The following ATG14 variants were observed in gnomAD, a reference collection of about 807,000 sequenced individuals.
ATG14 encodes autophagy related 14.
ATG14 carries 35 observed loss-of-function variants against 60.4 expected under a neutral mutation model. That is an observed-to-expected ratio of 0.58 (90% CI 0.44 to 0.77). ATG14 has a LOEUF of 0.77. ATG14 is among the 30% of genes least tolerant of loss of function. The pLI is 0.00. For synonymous variants in ATG14, 234 were observed against 228.8 expected (o/e 1.02, Z -0.21); for missense variants, 647 against 626.3 (o/e 1.03, Z -0.35).
At chr14:55,392,772 T>G (rs1885241312) in intron 3 of ATG14, among the ~76,000 whole-genome samples, 1 of 152,188 alleles carries the variant, frequency 6.6e-6, no homozygotes, top group Non-Finnish European at 1.5e-5. Context: ...GGTGTTACAC[T>G]TATCTAAGTA....
At chr14:55,378,256 A>G (rs551910344) in intron 7 of ATG14, among the ~76,000 whole-genome samples, 182 bp from the exon 8 acceptor site, 1 of 152,376 alleles carries the variant, frequency 6.6e-6, no homozygotes, top group Admixed American at 6.5e-5. Context: ...TACTGCATCT[A>G]TACAAATTAC....
intron 1 of ATG14, among the ~76,000 whole-genome samples, chr14:55,409,876 G>A (rs1209390545): frequency 6.6e-6 from 1 of 152,232 alleles, no homozygotes; most frequent in East Asian, 1.9e-4. Flanking sequence ...TACAAAAGGG[G>A]AGCAAGGACG....
chr14:55,408,735 C>T (rs1409084292), intron 1 of ATG14, among the ~76,000 whole-genome samples: 2 of 152,120 alleles, frequency 1.3e-5, no homozygotes, highest in Non-Finnish European at 2.9e-5. Flanking sequence ...TGTGCCAGTG[C>T]ACTCCAGCCT....
At position 55,385,573 on chromosome 14, in the gene ATG14, G is replaced by T. The variant is rs571689039; in HGVS notation, c.647+286C>A. Among the ~76,000 whole-genome samples, 4 of 152,324 alleles carry T rather than the reference G, an allele frequency of 2.6e-5. No homozygotes were observed. The South Asian group carries it at 8.3e-4, about 32-fold the overall frequency. ...CTCCCAAAGTGCTGGGATTATAGGCGTGAGCCACCACTCCCAGCCATCAGA... is the reference window on the plus strand; with the variant it reads ...CTCCCAAAGTGCTGGGATTATAGGCTTGAGCCACCACTCCCAGCCATCAGA... On this transcript the variant is annotated intron_variant, in intron 5 of 9. Transcript: ENST00000247178.
chr14:55,389,605 T>TA lies in ATG14; in HGVS notation c.409+1305dup, dbSNP rs1409897556. Among the ~76,000 whole-genome samples the TA allele has an allele frequency of 2.0e-5, 3 of 152,354 alleles. No homozygotes were observed. The East Asian group carries it at 5.8e-4, about 29-fold the overall frequency. On this transcript the variant is annotated intron_variant, in intron 4 of 9. Transcript: ENST00000247178. ...TCTGATGGTGACTCATTCTAAACTT[T>TA]AAACAGTGATCTTCAGAAATTCATG...
intron 1 of ATG14, among the ~76,000 whole-genome samples, chr14:55,408,459 C>A (rs966057101): frequency 1.3e-5 from 2 of 151,754 alleles, no homozygotes; most frequent in East Asian, 2.0e-4. Context: ...TCCCCTCCCC[C>A]CTCAAACAAA....
chr14:55,393,728 G>A (rs1885263611), intron 3 of ATG14, among the ~76,000 whole-genome samples: 1 of 151,684 alleles, frequency 6.6e-6, no homozygotes, highest in African/African-American at 2.4e-5. Flanking sequence ...GTTTTTGTTC[G>A]TTTTTGTAGA....
At chr14:55,375,994 T>C (rs1884912464) in intron 9 of ATG14, among the ~76,000 whole-genome samples, 4 of 152,374 alleles carry the variant, frequency 2.6e-5, no homozygotes, top group Admixed American at 2.0e-4. Context: ...GAACTGCATT[T>C]TATTTAATTC....
intron 1 of ATG14, among the ~76,000 whole-genome samples, chr14:55,402,970 A>T (rs56001643): frequency 0.023 from 1,582 of 69,050 alleles, 33 homozygotes; most frequent in Non-Finnish European, 0.037. Flanking sequence ...TATATATATA[A>T]ATAGCTGGGC....
In ATG14 at chr14:55,405,083, C is replaced by G. The variant is rs115745438; in HGVS notation, c.221+6519G>C. On this transcript the variant is annotated intron_variant, in intron 1 of 9. Transcript: ENST00000247178. ...AATACCATAAACAAACTCCATGGGA[C>G]AGGAATTGAGACCCTCTGAAGGACA... Among the ~76,000 whole-genome samples the G allele has an allele frequency of 3.0e-3, 458 of 152,306 alleles. 6 individuals carry two copies. Among genetic ancestry groups the G allele is most frequent in the African/African-American group, 0.011 (447 of 41,566 alleles).
rs746636983 is a variant in ATG14 at position 55,367,362 on chromosome 14, C to G, written c.*2257G>C. On this transcript the variant is annotated 3_prime_UTR_variant, in exon 10 of 10. Transcript: ENST00000247178. ...TCAAGTCTACCATCTTCACTCTCTACGAACTCCAGAACTGGATGGGAAAAT... is the reference window on the plus strand; with the variant it reads ...TCAAGTCTACCATCTTCACTCTCTAGGAACTCCAGAACTGGATGGGAAAAT... 6.6e-6 allele frequency: 1 copy of G among 152,228 alleles called. No individual in the cohort carries two copies. The highest frequency in any genetic ancestry group is 2.1e-4 in the South Asian group (1 of 4,828). 9.4% of individuals were successfully genotyped at this position (152,228 alleles called of 1,614,324 possible).
intron 4 of ATG14, among the ~76,000 whole-genome samples, chr14:55,389,453 C>T (rs1363113037): frequency 2.0e-5 from 3 of 152,154 alleles, no homozygotes; most frequent in South Asian, 2.1e-4. Flanking sequence ...TTAGTAATCC[C>T]GTGAAACTCC....
chr14:55,387,733 A>G (rs1885148627), intron 4 of ATG14, among the ~76,000 whole-genome samples: 1 of 152,016 alleles, frequency 6.6e-6, no homozygotes, highest in Non-Finnish European at 1.5e-5. Flanking sequence ...GCAGTGGTGC[A>G]TCTCGGCTCA....
intron 9 of ATG14, among the ~76,000 whole-genome samples, chr14:55,375,869 T>G (rs1313981996): frequency 6.6e-6 from 1 of 152,236 alleles, no homozygotes; most frequent in Admixed American, 6.5e-5. Flanking sequence ...TACATCAGTA[T>G]CTATGTAAGT....
chr14:55,371,596 GGA>G (rs1246924645), intron 9 of ATG14, among the ~76,000 whole-genome samples: 1 of 152,034 alleles, frequency 6.6e-6, no homozygotes, highest in African/African-American at 2.4e-5. Context: ...CACGAGGTCA[GGA>G]GATCGAGACC....
At chr14:55,397,803 T>C (rs529450869) in intron 1 of ATG14, among the ~76,000 whole-genome samples, 18 of 152,322 alleles carry the variant, frequency 1.2e-4, no homozygotes, top group African/African-American at 4.3e-4. Context: ...TCAATCCTGC[T>C]CTCTCCTATA....
At chr14:55,402,945 ATATATATATATATATATATAT>A (rs1885430595) in intron 1 of ATG14, among the ~76,000 whole-genome samples, 1 of 68,972 alleles carries the variant, frequency 1.4e-5, no homozygotes, top group Admixed American at 1.5e-4. Context: ...ATATATATAT[ATATATATATATATATATATAT>A]ATAAATAGCT....
chr14:55,371,610 T>TCC (rs747076618), intron 9 of ATG14, among the ~76,000 whole-genome samples: 25 of 151,886 alleles, frequency 1.6e-4, no homozygotes, highest in East Asian at 5.8e-4. Flanking sequence ...ATCGAGACCA[T>TCC]TGGCTAACAC....
At chr14:55,382,392 C>T (rs1885051534) in intron 5 of ATG14, among the ~76,000 whole-genome samples, 1 of 152,164 alleles carries the variant, frequency 6.6e-6, no homozygotes, top group Non-Finnish European at 1.5e-5. Flanking sequence ...TCATAGCTCA[C>T]TGAAGCCTTG....
Sources: gnomAD v4.1 joint callset for allele counts (sites outside exome capture counted in the v4.1 genomes callset) on GRCh38, gnomAD v4.1.1 for gene constraint, MANE v1.5 for transcripts, NCBI Gene and HGNC (gene_info 2026-07-23, HGNC 2026-07-21) for gene names.